The following LRP1B variants were observed in gnomAD, a reference collection of about 807,000 sequenced individuals.
The protein encoded by LRP1B is LDL receptor related protein 1B.
In LRP1B, 217 loss-of-function variants were observed where a neutral mutation model predicts 556.6. The ratio of observed to expected loss-of-function variants is 0.39; its 90% CI spans 0.35 to 0.44. LRP1B has a LOEUF of 0.44. Among genes scored for constraint, LRP1B ranks in the 20% least tolerant of loss-of-function variants. The pLI is 1.00. For synonymous variants in LRP1B, 2,047 were observed against 1,865.8 expected (o/e 1.10, Z -2.50); for missense variants, 5,053 against 5,620.8 (o/e 0.90, Z 3.23).
At chr2:141,627,413 G>A (rs757478825) in intron 2 of LRP1B, among the ~76,000 whole-genome samples, 4 of 152,074 alleles carry the variant, frequency 2.6e-5, no homozygotes, top group African/African-American at 9.7e-5. Context: ...AGTATGTGTC[G>A]CCAGCCCCCT....
At chr2:140,677,191 C>T (rs982364654) in intron 41 of LRP1B, among the ~76,000 whole-genome samples, 1 of 152,140 alleles carries the variant, frequency 6.6e-6, no homozygotes. Flanking sequence ...ACAATTTCAA[C>T]AGAAATGAGT....
At chr2:140,892,879 A>C (rs1382429039) in intron 23 of LRP1B, among the ~76,000 whole-genome samples, 9 of 152,208 alleles carry the variant, frequency 5.9e-5, no homozygotes, top group Non-Finnish European at 1.0e-4. Context: ...TGACTAAAAA[A>C]GGTAAATGAC....
intron 66 of LRP1B, among the ~76,000 whole-genome samples, chr2:140,386,628 T>C (rs2105200333): frequency 6.6e-6 from 1 of 152,312 alleles, no homozygotes; most frequent in East Asian, 1.9e-4. Flanking sequence ...CAGGAAAGTA[T>C]TAACTAGCCT....
intron 3 of LRP1B, among the ~76,000 whole-genome samples, chr2:141,452,593 A>C (rs1023554983): frequency 1.3e-5 from 2 of 152,210 alleles, no homozygotes; most frequent in East Asian, 1.9e-4. Flanking sequence ...CATGGCAAGC[A>C]TGAGATCTTG....
chr2:140,284,587 C>A (rs1683049857), intron 84 of LRP1B, among the ~76,000 whole-genome samples: 1 of 151,534 alleles, frequency 6.6e-6, no homozygotes, highest in African/African-American at 2.4e-5. Flanking sequence ...CTTCCTGTTT[C>A]CTTTTTCATT....
chr2:141,959,617 T>G (rs1299287334), intron 1 of LRP1B, among the ~76,000 whole-genome samples: 1 of 151,990 alleles, frequency 6.6e-6, no homozygotes, highest in African/African-American at 2.4e-5. Context: ...AATTATCGTA[T>G]TAACACAGGT....
intron 1 of LRP1B, among the ~76,000 whole-genome samples, chr2:142,021,850 G>A (rs1392306698): frequency 1.3e-5 from 2 of 152,018 alleles, no homozygotes; most frequent in African/African-American, 4.8e-5. Context: ...TTTTTGCATA[G>A]GAATGAAGAA....
At chr2:140,908,714 T>G (rs921120768) in intron 21 of LRP1B, among the ~76,000 whole-genome samples, 1 of 152,138 alleles carries the variant, frequency 6.6e-6, no homozygotes, top group African/African-American at 2.4e-5. Context: ...TTATTGTTTC[T>G]AGAAGAAAAA....
chr2:140,357,464 T>G (rs1358525890), intron 74 of LRP1B, among the ~76,000 whole-genome samples: 2 of 151,600 alleles, frequency 1.3e-5, no homozygotes, highest in Non-Finnish European at 2.9e-5. Context: ...TTATTTTTCT[T>G]TAATATAAAA....
intron 2 of LRP1B, among the ~76,000 whole-genome samples, chr2:141,569,990 T>C (rs1333886253): frequency 6.6e-6 from 1 of 151,022 alleles, no homozygotes; most frequent in Non-Finnish European, 1.5e-5. Context: ...CTCAGCACTT[T>C]GTGGGCCACA....
chr2:141,201,366 T>A (rs182097481), intron 6 of LRP1B, among the ~76,000 whole-genome samples: 61 of 152,288 alleles, frequency 4.0e-4, no homozygotes, highest in Non-Finnish European at 6.8e-4. Context: ...TGGAGTGCTA[T>A]CTAGAGTGCT....
At chr2:141,893,175 T>C (rs1028041929) in intron 1 of LRP1B, among the ~76,000 whole-genome samples, 8 of 152,174 alleles carry the variant, frequency 5.3e-5, no homozygotes, top group African/African-American at 1.7e-4. Flanking sequence ...ATCTATTAGA[T>C]GTGCAACTCA....
In LRP1B at chr2:140,923,032, A is replaced by G. The variant is rs1694786097; in HGVS notation, c.3252T>C (p.Asp1084=). 1 of 1,613,218 alleles carries G rather than the reference A, an allele frequency of 6.2e-7. No individual in the cohort carries two copies. The change falls in exon 21 of 91, where the codon GAT becomes GAC. Residue 1084 remains aspartate, a synonymous_variant. Transcript: ENST00000389484. ...GTATGGTACCATTGCAACCTTTTTC[A>G]TCACTACCATCTTCACAGTCTTTTT... ...DGEKDCEDGS[D]EKGCNGTIRL...
intron 60 of LRP1B, among the ~76,000 whole-genome samples, chr2:140,470,619 T>C (rs1443510795): frequency 9.0e-6 from 1 of 110,528 alleles, no homozygotes; most frequent in Non-Finnish European, 1.7e-5. Flanking sequence ...CAGTCTGGCC[T>C]GGGTGAAAGA....
At chr2:141,717,962 AAGG>A (rs1320075526) in intron 2 of LRP1B, among the ~76,000 whole-genome samples, 1 of 152,236 alleles carries the variant, frequency 6.6e-6, no homozygotes, top group African/African-American at 2.4e-5. Context: ...AATGAGGATG[AAGG>A]AGGATACACT....
intron 41 of LRP1B, among the ~76,000 whole-genome samples, chr2:140,603,064 A>G (rs1415008778): frequency 6.6e-6 from 1 of 152,104 alleles, no homozygotes; most frequent in Admixed American, 6.6e-5. Flanking sequence ...CTTAACCTCA[A>G]TCTATACCAA....
chr2:141,952,410 G>T (rs1475744042), intron 1 of LRP1B, among the ~76,000 whole-genome samples: 2 of 151,988 alleles, frequency 1.3e-5, no homozygotes, highest in Non-Finnish European at 2.9e-5. Context: ...AACAAATATG[G>T]CACATATTTC....
chr2:141,114,491 C>T (rs955673601), intron 7 of LRP1B, among the ~76,000 whole-genome samples: 3 of 152,102 alleles, frequency 2.0e-5, no homozygotes, highest in African/African-American at 4.8e-5. Flanking sequence ...GGAATTTGGC[C>T]TTTCATGGCT....
At chr2:141,471,061 A>C (rs1266557765) in intron 3 of LRP1B, among the ~76,000 whole-genome samples, 1 of 152,150 alleles carries the variant, frequency 6.6e-6, no homozygotes, top group Non-Finnish European at 1.5e-5. Context: ...ACAACATGTA[A>C]TGTGCATCCA....
Sources: allele counts gnomAD v4.1 joint callset (sites outside exome capture counted in the v4.1 genomes callset), GRCh38; gene constraint gnomAD v4.1.1; transcripts MANE v1.5; gene names NCBI Gene and HGNC (gene_info 2026-07-23, HGNC 2026-07-21).